The following ANKHD1 variants were observed in gnomAD, a reference collection of about 807,000 sequenced individuals.
The protein encoded by ANKHD1 is ankyrin repeat and KH domain containing 1, also known as ankyrin repeat and KH domain-containing protein 1.
In ANKHD1, 31 loss-of-function variants were observed where a neutral mutation model predicts 230.5. That is an observed-to-expected ratio of 0.13 (90% CI 0.10 to 0.18). The LOEUF (loss-of-function observed/expected upper bound fraction) is 0.18, where lower values mean the gene tolerates loss of function less well. Among genes scored for constraint, ANKHD1 ranks in the 10% least tolerant of loss-of-function variants. The probability of loss-of-function intolerance (pLI) is 1.00; values close to 1 mark genes in which losing one functional copy is unlikely to be tolerated. For missense variants in ANKHD1, 2,256 were observed against 3,071.3 expected, an observed-to-expected ratio of 0.73 and a Z score of 6.27; for synonymous variants, 1,074 against 1,117.6, an observed-to-expected ratio of 0.96 and a Z score of 0.78.
At chr5:140,480,577 A>G (rs950013189) in intron 10 of ANKHD1, among the ~76,000 whole-genome samples, 2 of 152,116 alleles carry the variant, frequency 1.3e-5, no homozygotes, top group African/African-American at 2.4e-5. Context: ...TGACATTAAT[A>G]TTGCCCAACT....
intron 10 of ANKHD1, among the ~76,000 whole-genome samples, chr5:140,470,424 A>T (rs1196781392): frequency 2.7e-5 from 4 of 145,764 alleles, no homozygotes; most frequent in African/African-American, 7.6e-5. Context: ...TATGTTTTTG[A>T]CTATTTATTT....
chr5:140,474,113 T>G (rs1487580488), intron 10 of ANKHD1, among the ~76,000 whole-genome samples: 1 of 152,200 alleles, frequency 6.6e-6, no homozygotes, highest in Non-Finnish European at 1.5e-5. Context: ...TAAACTTGGT[T>G]TTTCTCTCTG....
intron 24 of ANKHD1, among the ~76,000 whole-genome samples, chr5:140,518,208 G>A (rs1249369846): frequency 2.0e-5 from 3 of 151,944 alleles, no homozygotes; most frequent in East Asian, 3.8e-4. Context: ...TAAATTCCTC[G>A]ACACATACAC....
chr5:140,412,560 A>G (rs1451374732), intron 1 of ANKHD1, among the ~76,000 whole-genome samples: 1 of 152,230 alleles, frequency 6.6e-6, no homozygotes, highest in Non-Finnish European at 1.5e-5. Flanking sequence ...GAAATTTTGT[A>G]ATGAACTTAA....
chr5:140,438,400 G>A, intron 2 of ANKHD1, 61 bp from the exon 3 acceptor site: 2 of 1,449,142 alleles, frequency 1.4e-6, no homozygotes. Context: ...ATTACAATTT[G>A]CACTTTTATA....
intron 10 of ANKHD1, among the ~76,000 whole-genome samples, chr5:140,476,096 C>G (rs1198985254): frequency 2.0e-5 from 3 of 151,748 alleles, no homozygotes; most frequent in African/African-American, 7.3e-5. Context: ...TGGGGGGTAA[C>G]CTCAATATAT....
At chr5:140,505,473 G>GT (rs1018113758) in intron 17 of ANKHD1, among the ~76,000 whole-genome samples, 18 of 152,162 alleles carry the variant, frequency 1.2e-4, no homozygotes, top group African/African-American at 4.3e-4. Context: ...TCCAAAGGTA[G>GT]TTCATACAGA....
chr5:140,505,393 T>A (rs1752496005), intron 17 of ANKHD1, among the ~76,000 whole-genome samples, 160 bp downstream of exon 17: 1 of 152,232 alleles, frequency 6.6e-6, no homozygotes, highest in Non-Finnish European at 1.5e-5. Flanking sequence ...AGCCAAATAA[T>A]TCTCAAAACA....
chr5:140,479,748 A>ATATATATACC (rs904501240), intron 10 of ANKHD1, among the ~76,000 whole-genome samples: 1 of 149,440 alleles, frequency 6.7e-6, no homozygotes, highest in African/African-American at 2.5e-5. Context: ...ATATATACTT[A>ATATATATACC]TATATATACC....
chr5:140,409,588 T>C (rs942755740), intron 1 of ANKHD1, among the ~76,000 whole-genome samples: 10 of 151,334 alleles, frequency 6.6e-5, no homozygotes, highest in African/African-American at 1.7e-4. Context: ...AGCCTTGCTC[T>C]GTCACCCAGG....
chr5:140,520,930 A>AAT (rs1753322274), intron 24 of ANKHD1, among the ~76,000 whole-genome samples: 1 of 79,634 alleles, frequency 1.3e-5, no homozygotes, highest in Non-Finnish European at 2.7e-5. Context: ...AAAGTATAAT[A>AAT]AAAAAAAAAA....
chr5:140,438,534 A>G lies in ANKHD1; in HGVS notation c.534A>G (p.Ser178=). The change falls in exon 3 of 34, where the codon TCA becomes TCG. Residue 178 remains serine, a synonymous_variant. Coordinates refer to ENST00000360839, the MANE Select transcript of ANKHD1 (RefSeq NM_017747.3). ...DPEVLRRLTS[S]VSCALDEAAA... is the part of the protein sequence containing the mutation. ...AGGTACTCCGGAGACTGACATCCTC[A>G]GTTAGTTGTGCACTGGATGAAGCTG... is the stretch of plus-strand genomic sequence containing the variant. 2 of 1,613,538 alleles carry G rather than the reference A, an allele frequency of 1.2e-6. No individual in the cohort carries two copies. The highest frequency in any genetic ancestry group is 1.7e-4 in the Middle Eastern group (1 of 6,058).
chr5:140,520,839 G>A (rs1753313710), intron 24 of ANKHD1, among the ~76,000 whole-genome samples: 1 of 148,794 alleles, frequency 6.7e-6, no homozygotes, highest in Non-Finnish European at 1.5e-5. Flanking sequence ...TAGATGACGA[G>A]TTAATGGGTG....
rs1169916587 is a variant in ANKHD1 at position 140,437,853 on chromosome 5, GA to G, written c.461-603del. Among the ~76,000 whole-genome samples, 5 of 152,266 alleles carry G rather than the reference GA, an allele frequency of 3.3e-5. No homozygotes were observed. In the East Asian group the frequency reaches 9.6e-4, roughly 29 times the overall value. Reference sequence around the variant, plus strand: ...ACATTGTTTTGTCAATTTCATAAATGAAAAATACCTCACCATTTTAGTTTGC... The same window carrying G: ...ACATTGTTTTGTCAATTTCATAAATGAAAATACCTCACCATTTTAGTTTGC... On this transcript the variant is annotated intron_variant, in intron 2 of 33. Transcript: ENST00000360839.
rs368550910 is a variant in ANKHD1, at chr5:140,504,897, G to A, written c.3081G>A (p.Ser1027=). 47 of 1,614,086 alleles carry A rather than the reference G, an allele frequency of 2.9e-5. No individual in the cohort carries two copies. The African/African-American group carries it at 5.2e-4, about 18-fold the overall frequency. ...AGTGTCTTACACCTGAATCCTGTTC[G>A]CAGACTACAAGCAATGTGGCTTCCC... ...TTECLTPESC[S]QTTSNVASQS... Residue 1027 remains serine, a synonymous_variant, in exon 16 of 34, where the codon TCG becomes TCA. Coordinates refer to ENST00000360839, the MANE Select transcript of ANKHD1 (RefSeq NM_017747.3).
intron 10 of ANKHD1, among the ~76,000 whole-genome samples, chr5:140,469,129 A>C: frequency 2.8e-5 from 4 of 143,310 alleles, no homozygotes; most frequent in East Asian, 2.0e-4. Context: ...CTTCTCTCCC[A>C]CCCTCCTTCC....
chr5:140,443,984 A>G (rs1774072672), intron 5 of ANKHD1, among the ~76,000 whole-genome samples: 2 of 152,054 alleles, frequency 1.3e-5, no homozygotes, highest in Admixed American at 6.6e-5. Context: ...GTTCTTTGGA[A>G]GACAGTTTGA....
At position 140,487,082 on chromosome 5, in the gene ANKHD1, C is replaced by T. The variant is rs753281873; in HGVS notation, c.2245+22C>T. ...AAAGGTTAGTTATTGAATTATTTTTCTTAAAATGGGTATTTTTTCACCTAA... is the reference window on the plus strand; with the variant it reads ...AAAGGTTAGTTATTGAATTATTTTTTTTAAAATGGGTATTTTTTCACCTAA... On this transcript the variant is annotated intron_variant, in intron 14 of 33. Transcript: ENST00000360839. 15 of 1,599,052 alleles carry T rather than the reference C, an allele frequency of 9.4e-6. No individual in the cohort carries two copies. The Admixed American group carries it at 1.4e-4, about 15-fold the overall frequency.
Position 140,401,909 on chromosome 5 carries a change from A to T in ANKHD1, c.-59A>T. The T allele has an allele frequency of 6.6e-7, 1 of 1,515,886 alleles. No homozygotes were observed. Among genetic ancestry groups the T allele is most frequent in the Non-Finnish European group, 8.8e-7 (1 of 1,140,552 alleles). 93.9% of individuals were successfully genotyped at this position (1,515,886 alleles called of 1,614,324 possible). A position where few individuals can be genotyped will look rare whatever the true frequency, so the allele number is the denominator to read the frequency against. ...TCTTGCTGCTCTTCTCGTTCCCGAG[A>T]TCAGCGGCGGCGGTGACCGCGAGTG... is the stretch of plus-strand genomic sequence containing the variant. On this transcript the variant is annotated 5_prime_UTR_variant, in exon 1 of 34. Transcript: ENST00000360839.
Sources: gnomAD v4.1 joint callset for allele counts (sites outside exome capture counted in the v4.1 genomes callset) on GRCh38, gnomAD v4.1.1 for gene constraint, MANE v1.5 for transcripts, NCBI Gene and HGNC (gene_info 2026-07-23, HGNC 2026-07-21) for gene names.